The following SH3RF3 variants were observed in gnomAD, a reference collection of about 807,000 sequenced individuals.
The protein encoded by SH3RF3 is SH3 domain containing ring finger 3, also known as E3 ubiquitin-protein ligase SH3RF3.
A neutral mutation model predicts 66.3 loss-of-function variants in SH3RF3; 29 were observed. The ratio of observed to expected loss-of-function variants is 0.44; its 90% CI spans 0.33 to 0.60. SH3RF3 has a LOEUF of 0.60. Ranked by LOEUF, SH3RF3 falls within the 20% of genes least tolerant of loss-of-function variation. The pLI is 0.04. For missense variants in SH3RF3, 1,194 were observed against 1,190.9 expected, an observed-to-expected ratio of 1.00 and a Z score of -0.04; for synonymous variants, 583 against 532.0, an observed-to-expected ratio of 1.10 and a Z score of -1.32.
At chr2:109,229,169 A>G (rs1165826952) in intron 1 of SH3RF3, among the ~76,000 whole-genome samples, 5 of 152,224 alleles carry the variant, frequency 3.3e-5, no homozygotes, top group African/African-American at 9.7e-5. Flanking sequence ...GCTCTGTGCC[A>G]GGAACCAGGG....
At chr2:109,263,900 C>T (rs775661815) in intron 1 of SH3RF3, among the ~76,000 whole-genome samples, 37 of 152,166 alleles carry the variant, frequency 2.4e-4, no homozygotes, top group Admixed American at 2.2e-3. Context: ...ACCCAGGAGA[C>T]GGAGCTTGCA....
intron 1 of SH3RF3, among the ~76,000 whole-genome samples, chr2:109,281,648 T>C (rs182551580): frequency 6.6e-6 from 1 of 152,212 alleles, no homozygotes; most frequent in East Asian, 1.9e-4. Context: ...TATAAGTGTT[T>C]AGAGTGAGCA....
intron 1 of SH3RF3, among the ~76,000 whole-genome samples, chr2:109,136,840 C>T (rs537105409): frequency 6.6e-6 from 1 of 152,288 alleles, no homozygotes; most frequent in Non-Finnish European, 1.5e-5. Flanking sequence ...AGCATGCTTG[C>T]ACCGGGGCAC....
At chr2:109,451,826 C>T (rs1160058938) in intron 8 of SH3RF3, among the ~76,000 whole-genome samples, 3 of 152,234 alleles carry the variant, frequency 2.0e-5, no homozygotes, top group Non-Finnish European at 2.9e-5. Context: ...TGATAGCTCC[C>T]GAGCCTCTGT....
intron 1 of SH3RF3, among the ~76,000 whole-genome samples, chr2:109,233,384 C>T (rs1191576872): frequency 5.3e-5 from 8 of 152,192 alleles, no homozygotes; most frequent in Admixed American, 5.2e-4. Context: ...AGCTGAACTC[C>T]TCTCTGACCA....
intron 1 of SH3RF3, among the ~76,000 whole-genome samples, chr2:109,314,182 G>A (rs935335930): frequency 6.6e-6 from 1 of 152,154 alleles, no homozygotes; most frequent in Non-Finnish European, 1.5e-5. Context: ...GGAGACCAGC[G>A]GGTGGGTGTC....
intron 3 of SH3RF3, among the ~76,000 whole-genome samples, chr2:109,378,148 T>C (rs1683432328): frequency 1.3e-5 from 2 of 152,210 alleles, no homozygotes; most frequent in African/African-American, 4.8e-5. Flanking sequence ...GGTGCTGAAC[T>C]GAGGCTCCTC....
At chr2:109,259,096 A>G (rs1054208784) in intron 1 of SH3RF3, among the ~76,000 whole-genome samples, 2 of 152,214 alleles carry the variant, frequency 1.3e-5, no homozygotes, top group Non-Finnish European at 2.9e-5. Context: ...AGAGTTTCTG[A>G]CACATACCTA....
intron 1 of SH3RF3, among the ~76,000 whole-genome samples, chr2:109,187,005 C>T (rs1049031434): frequency 1.3e-5 from 2 of 149,776 alleles, no homozygotes; most frequent in Non-Finnish European, 3.0e-5. Flanking sequence ...CTCCCAGAGG[C>T]GGAGCTGGGC....
chr2:109,454,510 A>G (rs975454192), intron 8 of SH3RF3, among the ~76,000 whole-genome samples: 1 of 152,190 alleles, frequency 6.6e-6, no homozygotes, highest in African/African-American at 2.4e-5. Context: ...CCAAGTCCAC[A>G]CGGTGAGAGC....
At chr2:109,186,647 C>T (rs1678194598) in intron 1 of SH3RF3, among the ~76,000 whole-genome samples, 2 of 152,082 alleles carry the variant, frequency 1.3e-5, no homozygotes, top group African/African-American at 2.4e-5. Flanking sequence ...TGGGATGGAG[C>T]CCCCTAGGAA....
intron 1 of SH3RF3, among the ~76,000 whole-genome samples, chr2:109,165,814 C>T (rs1469769195): frequency 1.3e-5 from 2 of 152,138 alleles, no homozygotes; most frequent in Admixed American, 6.5e-5. Flanking sequence ...GAGTTTATTT[C>T]AGCACATTTC....
At chr2:109,249,538 TCCTTCC>T (rs1558981522) in intron 1 of SH3RF3, among the ~76,000 whole-genome samples, 3 of 112,234 alleles carry the variant, frequency 2.7e-5, no homozygotes, top group African/African-American at 3.8e-5. Context: ...TTTCTTTCCT[TCCTTCC>T]TTCCTTCCTT....
rs565050750 is a variant in SH3RF3 at position 109,358,983 on chromosome 2, G to T, written c.849+11034G>T. ...GTGAGGGGTGGAATGTTTATTTCTA[G>T]ATTTTTTGCATGTGGATGTCTAGTT... is the stretch of plus-strand genomic sequence containing the variant. On this transcript the variant is annotated intron_variant, in intron 2 of 9. Transcript: ENST00000309415. Among the ~76,000 whole-genome samples, 305 of 152,042 alleles carry T rather than the reference G, an allele frequency of 2.0e-3. 1 individual carries two copies. Among genetic ancestry groups the T allele is most frequent in the Admixed American group, 3.1e-3 (48 of 15,284 alleles).
intron 1 of SH3RF3, among the ~76,000 whole-genome samples, chr2:109,335,790 A>G (rs905402050): frequency 6.6e-6 from 1 of 152,234 alleles, no homozygotes; most frequent in Non-Finnish European, 1.5e-5. Flanking sequence ...TAAATGTCCT[A>G]AAACCACTTC....
At chr2:109,498,455 A>G (rs987006154) in intron 9 of SH3RF3, among the ~76,000 whole-genome samples, 1 of 151,970 alleles carries the variant, frequency 6.6e-6, no homozygotes, top group Non-Finnish European at 1.5e-5. Context: ...CTGTCTGCAC[A>G]TTTTTCCTGA....
At chr2:109,487,838 A>C (rs1404116111) in intron 8 of SH3RF3, among the ~76,000 whole-genome samples, 4 of 152,120 alleles carry the variant, frequency 2.6e-5, no homozygotes, top group Admixed American at 2.6e-4. Flanking sequence ...TCAGCAAACA[A>C]GTGTTGAATG....
intron 7 of SH3RF3, among the ~76,000 whole-genome samples, chr2:109,445,813 C>T (rs945678665): frequency 2.5e-4 from 38 of 151,948 alleles, no homozygotes; most frequent in African/African-American, 9.2e-4. Context: ...GGAAGCGATA[C>T]CCCTGAAAAT....
At chr2:109,150,811 C>T (rs937171932) in intron 1 of SH3RF3, among the ~76,000 whole-genome samples, 8 of 151,880 alleles carry the variant, frequency 5.3e-5, no homozygotes, top group Admixed American at 1.3e-4. Flanking sequence ...GCTGTTCAGA[C>T]TTGGGGAGAA....
Sources: allele counts gnomAD v4.1 joint callset (sites outside exome capture counted in the v4.1 genomes callset), GRCh38; gene constraint gnomAD v4.1.1; transcripts MANE v1.5; gene names NCBI Gene and HGNC (gene_info 2026-07-23, HGNC 2026-07-21).